The following SACS variants were observed in gnomAD, a reference collection of about 807,000 sequenced individuals.
SACS encodes sacsin molecular chaperone, also known as sacsin.
A neutral mutation model predicts 348.0 loss-of-function variants in SACS; 197 were observed. That is an observed-to-expected ratio of 0.57 (90% CI 0.50 to 0.64). The LOEUF (loss-of-function observed/expected upper bound fraction) is 0.64. Ranked by LOEUF, SACS falls within the 30% of genes least tolerant of loss-of-function variation. SACS has a pLI of 0.00. For synonymous variants in SACS, 1,985 were observed against 1,910.6 expected (o/e 1.04, Z -1.02); for missense variants, 4,999 against 5,360.8 (o/e 0.93, Z 2.11).
chr13:23,346,733 A>G (rs1486441530), intron 9 of SACS: 1 of 654,220 alleles, frequency 1.5e-6, no homozygotes, highest in South Asian at 6.8e-5. Context: ...TACTTAGGTA[A>G]ATGCAAAAAC....
intron 2 of SACS, among the ~76,000 whole-genome samples, chr13:23,403,592 T>C (rs1490674845): frequency 6.6e-6 from 1 of 152,220 alleles, no homozygotes; most frequent in African/African-American, 2.4e-5. Flanking sequence ...GGATCAGTGG[T>C]GATATTCCCT....
chr13:23,414,309 GA>G (rs910217413), intron 1 of SACS, among the ~76,000 whole-genome samples: 1 of 151,222 alleles, frequency 6.6e-6, no homozygotes, highest in African/African-American at 2.4e-5. Flanking sequence ...GTCTCAAAAA[GA>G]AAAAAAAGTA....
At chr13:23,383,992 G>A (rs1215425885) in intron 2 of SACS, among the ~76,000 whole-genome samples, 1 of 152,174 alleles carries the variant, frequency 6.6e-6, no homozygotes, top group Non-Finnish European at 1.5e-5. Context: ...TTCTGGGGAG[G>A]GTTGGTTAAA....
rs1183192870 is a variant in SACS at position 23,338,950 on chromosome 13, G to A, written c.4926C>T (p.Thr1642=). ...TVEAPYSYNG[T]LFRLSFRTQQ... ...GAGTTCTAAAGGACAGTCGGAAAAG[G>A]GTTCCATTATAGCTGTAAGGTGCTT... is the stretch of plus-strand genomic sequence containing the variant. Residue 1642 remains threonine, a synonymous_variant, in exon 10 of 10, where the codon ACC becomes ACT. Coordinates refer to ENST00000382292, the MANE Select transcript of SACS (RefSeq NM_014363.6). 2 of 1,613,752 alleles carry A rather than the reference G, an allele frequency of 1.2e-6. No homozygotes were observed. The highest frequency in any genetic ancestry group is 1.7e-6 in the Non-Finnish European group (2 of 1,179,924).
Position 23,333,493 on chromosome 13 carries a change from T to G in SACS, c.10383A>C (p.Glu3461Asp), listed in dbSNP as rs368532196. 3 of 1,613,246 alleles carry G rather than the reference T, an allele frequency of 1.9e-6. No homozygotes were observed. Among genetic ancestry groups the G allele is most frequent in the Non-Finnish European group, 2.5e-6 (3 of 1,179,564 alleles). ...GTACACAACCAATCACCTCATATAGTTCTTTTAAGTGTATTTTTTCTTCAA... is the reference window on the plus strand; with the variant it reads ...GTACACAACCAATCACCTCATATAGGTCTTTTAAGTGTATTTTTTCTTCAA... The part of the protein sequence containing the change: ...AFLEEKIHLK[E>D]LYEVIGCVPV... Residue 3461 changes from glutamate to aspartate, a missense_variant, in exon 10 of 10, where the codon GAA becomes GAC. Glu to Asp is a conservative substitution (Grantham distance 45, BLOSUM62 2). Around this residue, in one of 6 missense-constraint regions of SACS, gnomAD observed 734 missense variants for 694.0 expected, o/e 1.06. Coordinates refer to ENST00000382292, the MANE Select transcript of SACS (RefSeq NM_014363.6).
chr13:23,376,545 C>CA (rs376272841), intron 2 of SACS, among the ~76,000 whole-genome samples: 1 of 151,834 alleles, frequency 6.6e-6, no homozygotes, highest in Non-Finnish European at 1.5e-5. Flanking sequence ...CCCTTCCCCC[C>CA]AAAAAAAATT....
rs1215639547 is a variant in SACS at position 23,341,682 on chromosome 13, A to C, written c.2194T>G (p.Cys732Gly). 1 of 1,612,032 alleles carries C rather than the reference A, an allele frequency of 6.2e-7. No homozygotes were observed. The highest frequency in any genetic ancestry group is 2.2e-5 in the East Asian group (1 of 44,834). ...KEAAQTRGRPCTQLQLLNPER... is the reference protein window; with the variant it reads ...KEAAQTRGRPGTQLQLLNPER... ...GGATTTAGAAGCTGCAGCTGAGTACATGGTCTTCCTGTAAATCATACACAG... is the reference window on the plus strand; with the variant it reads ...GGATTTAGAAGCTGCAGCTGAGTACCTGGTCTTCCTGTAAATCATACACAG... The change falls in exon 10 of 10, where the codon TGT becomes GGT. Residue 732 changes from cysteine to glycine, a missense_variant. Cys to Gly is a radical substitution (Grantham distance 159). Around this residue, in one of 6 missense-constraint regions of SACS, gnomAD observed 3,156 missense variants for 3,380.1 expected, o/e 0.93. Transcript: ENST00000382292.
intron 6 of SACS, among the ~76,000 whole-genome samples, chr13:23,363,556 G>A (rs191444432): frequency 5.6e-4 from 86 of 152,288 alleles, no homozygotes; most frequent in African/African-American, 1.9e-3. Context: ...CACTTTTAAA[G>A]AGCCTATCTC....
intron 4 of SACS, 58 bp from the exon 5 acceptor site, chr13:23,368,545 A>G: frequency 8.3e-7 from 1 of 1,206,342 alleles, no homozygotes; most frequent in African/African-American, 1.5e-5. Context: ...AATTGTCACC[A>G]ATGTGTGACT....
At position 23,336,343 on chromosome 13, in the gene SACS, G is replaced by A; in HGVS notation, c.7533C>T (p.Ser2511=). The A allele has an allele frequency of 1.2e-6, 2 of 1,614,020 alleles. No individual in the cohort carries two copies. The highest frequency in any genetic ancestry group is 1.1e-5 in the South Asian group (1 of 91,068). The change falls in exon 10 of 10, where the codon TCC becomes TCT. Residue 2511 remains serine (S), a synonymous_variant. Coordinates refer to ENST00000382292, the MANE Select transcript of SACS (RefSeq NM_014363.6). ...KRHKALERYA[S]NVCFTTLGTE... ...TGCCAAGTGTTGTAAAACAGACATT[G>A]GATGCATATCTTTCTAAGGCTTTGT...
chr13:23,400,381 G>A (rs1300585256), intron 2 of SACS, among the ~76,000 whole-genome samples: 2 of 152,090 alleles, frequency 1.3e-5, no homozygotes, highest in African/African-American at 4.8e-5. Context: ...ATAAAAATCA[G>A]AGCTTAGTCC....
intron 6 of SACS, 87 bp from the exon 7 acceptor site, chr13:23,358,568 T>G: frequency 5.6e-6 from 8 of 1,434,814 alleles, no homozygotes; most frequent in Middle Eastern, 1.7e-4. Flanking sequence ...ACAAAATCTC[T>G]TATTCGAAGG....
intron 9 of SACS, among the ~76,000 whole-genome samples, chr13:23,352,281 A>G (rs1306094429): frequency 2.6e-5 from 4 of 152,270 alleles, no homozygotes; most frequent in Non-Finnish European, 5.9e-5. Flanking sequence ...AACTGTTAAC[A>G]GCTCCATGCA....
In SACS at chr13:23,355,316, T is replaced by G; in HGVS notation, c.1296A>C (p.Glu432Asp). 1 of 1,614,118 alleles carries G rather than the reference T, an allele frequency of 6.2e-7. No homozygotes were observed. Among genetic ancestry groups the G allele is most frequent in the Admixed American group, 1.7e-5 (1 of 60,006 alleles). The change falls in exon 8 of 10, where the codon GAA (glutamate) becomes GAC (aspartate). Residue 432 changes from glutamate (E) to aspartate (D), a missense_variant. Transcript: ENST00000382292. ...AGAAATCAGACGTTGCTCCTTTTGCTTCATCATCTCTGCTTGATAAAGGCA... is the reference window on the plus strand; with the variant it reads ...AGAAATCAGACGTTGCTCCTTTTGCGTCATCATCTCTGCTTGATAAAGGCA... ...IAMPLSSRDD[E>D]AKGATSDFSG...
intron 9 of SACS, among the ~76,000 whole-genome samples, chr13:23,351,091 C>T (rs1869927014): frequency 1.3e-5 from 2 of 152,224 alleles, no homozygotes; most frequent in South Asian, 4.1e-4. Flanking sequence ...CTCAATCCCT[C>T]TGCTATGTCT....
chr13:23,351,279 C>T (rs1355219014), intron 9 of SACS, among the ~76,000 whole-genome samples: 1 of 152,100 alleles, frequency 6.6e-6, no homozygotes, highest in Non-Finnish European at 1.5e-5. Context: ...TGGGAAGATA[C>T]CCATATGACT....
chr13:23,341,424 T>G lies in SACS; in HGVS notation c.2452A>C (p.Ile818Leu), dbSNP rs1162492202. ...LEEGQTCVEL[I>L]RLRIPSLVIL... is the part of the protein sequence containing the mutation. The stretch of plus-strand genomic sequence containing the variant: ...ACTAACGATGGAATCCTGAGTCTAA[T>G]GAGTTCCACACATGTCTGACCTTCC... Residue 818 changes from isoleucine to leucine, a missense_variant, in exon 10 of 10, where the codon ATT (isoleucine) becomes CTT (leucine). By Grantham distance (5) the Ile-to-Leu change is conservative (BLOSUM62 2). Around this residue, in one of 6 missense-constraint regions of SACS, gnomAD observed 3,156 missense variants for 3,380.1 expected, o/e 0.93. Transcript: ENST00000382292. 7 of 1,613,980 alleles carry G rather than the reference T, an allele frequency of 4.3e-6. No individual in the cohort carries two copies. The highest frequency in any genetic ancestry group is 5.9e-6 in the Non-Finnish European group (7 of 1,179,950).
intron 2 of SACS, 191 bp from the exon 3 acceptor site, chr13:23,375,460 C>A: frequency 8.5e-7 from 1 of 1,172,600 alleles, no homozygotes; most frequent in Non-Finnish European, 1.1e-6. Flanking sequence ...GCCGGGAGGG[C>A]GGGATCCGCA....
Position 23,334,542 on chromosome 13 carries a change from A to G in SACS, c.9334T>C (p.Cys3112Arg). 1 of 1,613,570 alleles carries G rather than the reference A, an allele frequency of 6.2e-7. No individual in the cohort carries two copies. Among genetic ancestry groups the G allele is most frequent in the Non-Finnish European group, 8.5e-7 (1 of 1,179,748 alleles). ...CGACAAGGCAGCTTCCCAATATGGC[A>G]ATTAGTGTCAGGAGAGGAAAATGTC... ...LMTFSSPDTN[C>R]HIGKLPCRLQ... Residue 3112 changes from cysteine to arginine, a missense_variant, in exon 10 of 10, where the codon TGC becomes CGC. Around this residue, in one of 6 missense-constraint regions of SACS, gnomAD observed 734 missense variants for 694.0 expected, o/e 1.06. Coordinates refer to ENST00000382292, the MANE Select transcript of SACS (RefSeq NM_014363.6).
Sources: gnomAD v4.1 joint callset for allele counts (sites outside exome capture counted in the v4.1 genomes callset) on GRCh38, gnomAD v4.1.1 for gene constraint, gnomAD v4.1.1 regional missense constraint, MANE v1.5 for transcripts, NCBI Gene and HGNC (gene_info 2026-07-23, HGNC 2026-07-21) for gene names.